VAV2: variants seen among roughly 807,000 people sequenced by gnomAD.
The protein encoded by VAV2 is guanine nucleotide exchange factor VAV2.
A neutral mutation model predicts 132.5 loss-of-function variants in VAV2; 67 were observed. The ratio of observed to expected loss-of-function variants is 0.51; its 90% CI spans 0.42 to 0.62. The LOEUF (loss-of-function observed/expected upper bound fraction) is 0.62. VAV2 is among the 20% of genes least tolerant of loss of function. The pLI is 0.00. For synonymous variants in VAV2, 492 were observed against 443.5 expected (o/e 1.11, Z -1.37); for missense variants, 938 against 1,153.6 (o/e 0.81, Z 2.71).
rs534573459 is a variant in VAV2 at position 133,803,036 on chromosome 9, G to A, written c.836+3045C>T. Among the ~76,000 whole-genome samples the A allele has an allele frequency of 1.4e-4, 21 of 152,264 alleles. 1 individual carries two copies. The highest frequency in any genetic ancestry group is 5.8e-4 in the East Asian group (3 of 5,160). Reference sequence around the variant, plus strand: ...GGGGTTTTTGAGGTGGACCATGACCGGGGACTCTCCCTGCAGGCCGTACCC... The same window carrying A: ...GGGGTTTTTGAGGTGGACCATGACCAGGGACTCTCCCTGCAGGCCGTACCC... On this transcript the variant is annotated intron_variant, in intron 9 of 29. Coordinates refer to ENST00000371850, the MANE Select transcript of VAV2 (RefSeq NM_001134398.2).
intron 19 of VAV2, among the ~76,000 whole-genome samples, chr9:133,782,848 T>G (rs758506971): frequency 1.3e-5 from 2 of 152,198 alleles, no homozygotes; most frequent in Non-Finnish European, 2.9e-5. Flanking sequence ...GTCTCAGGCT[T>G]TGCACTGCTG....
In VAV2 at chr9:133,768,307, G is replaced by A. The variant is rs1833502310; in HGVS notation, c.2589+135C>T. 7.9e-7 allele frequency: 1 copy of A among 1,265,744 alleles called. No individual in the cohort carries two copies. 78.4% of individuals were successfully genotyped at this position (1,265,744 alleles called of 1,614,324 possible). ...TGCCAACCTTCTGGGCTGCTGTGAG[G>A]ATGAGGGAGATTGCAGAGGGTGTCT... is the stretch of plus-strand genomic sequence containing the variant. On this transcript the variant is annotated intron_variant, in intron 29 of 29. Transcript: ENST00000371850. The surrounding 1 kb of genome is among the most constrained non-coding windows in gnomAD (Gnocchi z 5.3).
At chr9:133,841,238 T>C (rs1460667081) in intron 3 of VAV2, among the ~76,000 whole-genome samples, 1 of 151,538 alleles carries the variant, frequency 6.6e-6, no homozygotes, top group Non-Finnish European at 1.5e-5. Context: ...GATCTAAGAT[T>C]TCACAACAGC....
At chr9:133,930,578 G>A (rs1031828538) in intron 2 of VAV2, among the ~76,000 whole-genome samples, 1 of 152,254 alleles carries the variant, frequency 6.6e-6, no homozygotes, top group East Asian at 1.9e-4. Context: ...GGGCACAGCC[G>A]AGCAGATAAA....
At chr9:133,795,386 G>A (rs1328115457) in intron 12 of VAV2, among the ~76,000 whole-genome samples, 1 of 152,190 alleles carries the variant, frequency 6.6e-6, no homozygotes, top group Admixed American at 6.5e-5. Context: ...CAATGCCTGG[G>A]GGAAAAGCAG....
At chr9:133,913,470 G>C (rs997232951) in intron 2 of VAV2, among the ~76,000 whole-genome samples, 4 of 152,168 alleles carry the variant, frequency 2.6e-5, no homozygotes, top group Admixed American at 6.5e-5. Context: ...TCTATGCCAG[G>C]GATGCCAATC....
intron 4 of VAV2, among the ~76,000 whole-genome samples, chr9:133,821,360 C>CA (rs1295954235): frequency 6.6e-6 from 1 of 152,214 alleles, no homozygotes; most frequent in Non-Finnish European, 1.5e-5. Flanking sequence ...GGAGGGGAGG[C>CA]AGCGAGGGAA....
intron 2 of VAV2, among the ~76,000 whole-genome samples, chr9:133,927,075 C>G (rs113047487): frequency 3.3e-5 from 5 of 151,064 alleles, no homozygotes; most frequent in East Asian, 4.0e-4. Context: ...TGAGTCCCCC[C>G]CTACACATGC....
At chr9:133,901,132 G>T (rs1298030776) in intron 2 of VAV2, among the ~76,000 whole-genome samples, 1 of 152,088 alleles carries the variant, frequency 6.6e-6, no homozygotes, top group Non-Finnish European at 1.5e-5. Flanking sequence ...AACCTTAAGG[G>T]GGCCAAGGGC....
intron 3 of VAV2, among the ~76,000 whole-genome samples, chr9:133,847,725 C>T (rs1836992621): frequency 6.6e-6 from 1 of 152,320 alleles, no homozygotes; most frequent in South Asian, 2.1e-4. Context: ...ACTTCCTCCT[C>T]TGCAAAATGG....
chr9:133,981,187 A>C (rs1036368824), intron 1 of VAV2, among the ~76,000 whole-genome samples: 2 of 152,132 alleles, frequency 1.3e-5, no homozygotes, highest in Non-Finnish European at 2.9e-5. Context: ...TCATGTGAGT[A>C]TTAACAGCTC....
intron 2 of VAV2, among the ~76,000 whole-genome samples, chr9:133,906,646 G>A (rs963648960): frequency 1.3e-5 from 2 of 152,148 alleles, no homozygotes; most frequent in Non-Finnish European, 2.9e-5. Context: ...CCACACCCTG[G>A]ACCTCTGCAC....
intron 15 of VAV2, 87 bp from the exon 16 acceptor site, chr9:133,787,347 G>C: frequency 7.3e-7 from 1 of 1,370,670 alleles, no homozygotes; most frequent in East Asian, 2.7e-5. Flanking sequence ...GTGTGGAGGC[G>C]CCAGGAGCCC....
At chr9:133,963,540 G>T (rs190419071) in intron 1 of VAV2, among the ~76,000 whole-genome samples, 88 of 152,308 alleles carry the variant, frequency 5.8e-4, no homozygotes, top group Non-Finnish European at 7.3e-4. Context: ...TCCCTGTGTT[G>T]GGGGTAACCA....
At chr9:133,888,892 C>T (rs1838816719) in intron 2 of VAV2, among the ~76,000 whole-genome samples, 1 of 152,200 alleles carries the variant, frequency 6.6e-6, no homozygotes, top group South Asian at 2.1e-4. Flanking sequence ...GACACTTACC[C>T]CAATTACAGG....
chr9:133,869,687 A>G (rs532583676), intron 2 of VAV2, among the ~76,000 whole-genome samples: 2 of 152,348 alleles, frequency 1.3e-5, no homozygotes, highest in African/African-American at 4.8e-5. Context: ...CCGCCGACCC[A>G]GCCTGCTCTC....
At chr9:133,862,101 G>A (rs994894222) in intron 2 of VAV2, among the ~76,000 whole-genome samples, 1 of 152,256 alleles carries the variant, frequency 6.6e-6, no homozygotes, top group Non-Finnish European at 1.5e-5. Context: ...CAAGAGGAAG[G>A]TTTGGTGAGA....
At chr9:133,878,906 C>T (rs915265760) in intron 2 of VAV2, among the ~76,000 whole-genome samples, 2 of 152,228 alleles carry the variant, frequency 1.3e-5, no homozygotes, top group African/African-American at 2.4e-5. Flanking sequence ...CAGGCTCCTC[C>T]GCAGGGGCAG....
chr9:133,914,643 G>A (rs536712840), intron 2 of VAV2, among the ~76,000 whole-genome samples: 1 of 49,676 alleles, frequency 2.0e-5, no homozygotes, highest in South Asian at 9.2e-4. Flanking sequence ...AGGGGAGGAA[G>A]CAGGAAGCAG....
Sources: gnomAD v4.1 joint callset for allele counts (sites outside exome capture counted in the v4.1 genomes callset) on GRCh38, gnomAD v4.1.1 for gene constraint, Gnocchi (gnomAD v3.1) non-coding constraint, MANE v1.5 for transcripts, NCBI Gene and HGNC (gene_info 2026-07-23, HGNC 2026-07-21) for gene names.